ITSN2: variants seen among roughly 807,000 people sequenced by gnomAD.
The protein encoded by ITSN2 is intersectin 2.
In ITSN2, 156 loss-of-function variants were observed where a neutral mutation model predicts 243.7. That is an observed-to-expected ratio of 0.64 (90% CI 0.56 to 0.73). ITSN2 has a LOEUF of 0.73. ITSN2 is among the 30% of genes least tolerant of loss of function. ITSN2 has a pLI of 0.00. For synonymous variants in ITSN2, 703 were observed against 699.9 expected (o/e 1.00, Z -0.07); for missense variants, 1,801 against 1,996.1 (o/e 0.90, Z 1.86).
chr2:24,227,791 T>G (rs1417822658), intron 29 of ITSN2, among the ~76,000 whole-genome samples: 1 of 151,970 alleles, frequency 6.6e-6, no homozygotes, highest in African/African-American at 2.4e-5. Flanking sequence ...TGGTGGCGGG[T>G]GCCTGTAATC....
At chr2:24,316,174 T>C (rs556803354) in intron 2 of ITSN2, among the ~76,000 whole-genome samples, 11 of 152,298 alleles carry the variant, frequency 7.2e-5, no homozygotes, top group African/African-American at 2.6e-4. Flanking sequence ...AATAAACAGG[T>C]AGGGTGGAAT....
At chr2:24,288,846 T>C (rs1004180676) in intron 15 of ITSN2, among the ~76,000 whole-genome samples, 10 of 152,164 alleles carry the variant, frequency 6.6e-5, no homozygotes, top group Admixed American at 2.0e-4. Context: ...CCAGCCCTGG[T>C]AGCCACCATT....
chr2:24,234,676 G>A (rs1671960735), intron 29 of ITSN2, among the ~76,000 whole-genome samples: 1 of 152,078 alleles, frequency 6.6e-6, no homozygotes, highest in Non-Finnish European at 1.5e-5. Context: ...TAAAAAAATG[G>A]GCCAAAGACC....
At chr2:24,327,999 A>T in intron 2 of ITSN2, 53 bp downstream of exon 2, 1 of 282 alleles carries the variant, frequency 3.5e-3, no homozygotes, top group African/African-American at 8.6e-3. Context: ...AACCTCTACC[A>T]AAAAAAAAAA....
At chr2:24,256,841 G>A (rs1468585305) in intron 23 of ITSN2, among the ~76,000 whole-genome samples, 1 of 152,182 alleles carries the variant, frequency 6.6e-6, no homozygotes, top group Non-Finnish European at 1.5e-5. Flanking sequence ...CTATAATGCA[G>A]AGTGCTATAA....
At chr2:24,336,038 G>A (rs1205743424) in intron 1 of ITSN2, among the ~76,000 whole-genome samples, 4 of 151,446 alleles carry the variant, frequency 2.6e-5, no homozygotes, top group Admixed American at 1.3e-4. Flanking sequence ...TCAGGAGATC[G>A]AGACCATCCT....
chr2:24,212,057 T>C (rs568357934), intron 33 of ITSN2, among the ~76,000 whole-genome samples: 11 of 152,354 alleles, frequency 7.2e-5, no homozygotes, highest in African/African-American at 2.4e-4. Flanking sequence ...CGTGGGATAA[T>C]CTTTTGTAAA....
chr2:24,204,431 A>G lies in ITSN2; in HGVS notation c.4763-13T>C. On this transcript the variant is annotated splice_polypyrimidine_tract_variant and intron_variant, in intron 38 of 39. Coordinates refer to ENST00000355123, the MANE Select transcript of ITSN2 (RefSeq NM_006277.3). This position sits in a 1 kb window ranked among gnomAD's most constrained non-coding sequence, Gnocchi z 5.1. ...GGGTTGCTCTTTCCTGAACAAAAACAAACCACAGACACATGTGGTGCATGC... is the reference window on the plus strand; with the variant it reads ...GGGTTGCTCTTTCCTGAACAAAAACGAACCACAGACACATGTGGTGCATGC... 6.2e-7 allele frequency: 1 copy of G among 1,613,992 alleles called. No homozygotes were observed.
At chr2:24,208,562 AGAT>A (rs1338705721) in intron 36 of ITSN2, among the ~76,000 whole-genome samples, 4 of 152,166 alleles carry the variant, frequency 2.6e-5, no homozygotes, top group African/African-American at 7.2e-5. Context: ...ACCTGGAGAC[AGAT>A]GATGCATTGG....
Position 24,286,346 on chromosome 2 carries a change from C to G in ITSN2, c.1729G>C (p.Gly577Arg). 6.2e-7 allele frequency: 1 copy of G among 1,610,504 alleles called. No individual in the cohort carries two copies. The highest frequency in any genetic ancestry group is 8.5e-7 in the Non-Finnish European group (1 of 1,178,204). ...GATTTTTTATGAAGTAAACTGACCC[C>G]TGAATCTGAAAAACAAACATCAGAC... The part of the protein sequence containing the change: ...NMQFSNTPDS[G>R]VSLLHKKSLE... The change falls in exon 16 of 40, where the codon GGG becomes CGG. Residue 577 changes from glycine (G) to arginine (R), a missense_variant. This residue lies in a region of ITSN2 where 787 missense variants were observed against 803.9 expected (regional missense o/e 0.98). Coordinates refer to ENST00000355123, the MANE Select transcript of ITSN2 (RefSeq NM_006277.3).
rs979965876 is a variant in ITSN2 at position 24,249,282 on chromosome 2, T to C, written c.3121-400A>G. Among the ~76,000 whole-genome samples the C allele has an allele frequency of 3.3e-5, 5 of 152,232 alleles. No individual in the cohort carries two copies. The highest frequency in any genetic ancestry group is 6.5e-5 in the Admixed American group (1 of 15,272). On this transcript the variant is annotated intron_variant, in intron 25 of 39. Transcript: ENST00000355123. This position sits in a 1 kb window ranked among gnomAD's most constrained non-coding sequence, Gnocchi z 4.4. Reference sequence around the variant, plus strand: ...TATACGTTATTTTGCTCCTGCTTTCTCTAAGGGATCCTGACTTATCTATGG... The same window carrying C: ...TATACGTTATTTTGCTCCTGCTTTCCCTAAGGGATCCTGACTTATCTATGG...
At chr2:24,248,104 G>C (rs1484194444) in intron 27 of ITSN2, among the ~76,000 whole-genome samples, 5 of 151,760 alleles carry the variant, frequency 3.3e-5, no homozygotes, top group Non-Finnish European at 5.9e-5. Flanking sequence ...AGAAGTGAGA[G>C]AAGAACCCTT....
In ITSN2 at chr2:24,216,037, G is replaced by C; in HGVS notation, c.3990+12C>G. On this transcript the variant is annotated intron_variant, in intron 32 of 39. Coordinates refer to ENST00000355123, the MANE Select transcript of ITSN2 (RefSeq NM_006277.3). ...GAAGGAGCCTGACCCGCAAGGCCCAGAATGGAATTACCTTTAAAAATTCTT... is the reference window on the plus strand; with the variant it reads ...GAAGGAGCCTGACCCGCAAGGCCCACAATGGAATTACCTTTAAAAATTCTT... The C allele has an allele frequency of 6.4e-7, 1 of 1,573,646 alleles. No homozygotes were observed. The highest frequency in any genetic ancestry group is 8.6e-7 in the Non-Finnish European group (1 of 1,156,478).
intron 17 of ITSN2, among the ~76,000 whole-genome samples, chr2:24,277,265 T>C (rs893632940): frequency 9.9e-5 from 15 of 152,190 alleles, no homozygotes; most frequent in African/African-American, 2.9e-4. Flanking sequence ...AATATTTGGG[T>C]AGAATGTTTT....
At chr2:24,261,469 A>C in intron 21 of ITSN2, 92 bp downstream of exon 21, 2 of 1,086,804 alleles carry the variant, frequency 1.8e-6, no homozygotes, top group African/African-American at 1.6e-5. Context: ...CCCGGATTAC[A>C]CTATGATGAA....
chr2:24,243,947 A>G (rs2151274994), intron 29 of ITSN2, among the ~76,000 whole-genome samples: 1 of 152,324 alleles, frequency 6.6e-6, no homozygotes, highest in East Asian at 1.9e-4. Context: ...TGTATTGGAG[A>G]GTGGAGATAT....
chr2:24,312,409 T>G, intron 4 of ITSN2, 34 bp from the exon 5 acceptor site: 1 of 1,469,466 alleles, frequency 6.8e-7, no homozygotes, highest in Non-Finnish European at 9.1e-7. Context: ...GATTGCTATG[T>G]GGTGTGGTGG....
At chr2:24,306,616 G>A (rs1014961072) in intron 8 of ITSN2, among the ~76,000 whole-genome samples, 1 of 152,118 alleles carries the variant, frequency 6.6e-6, no homozygotes, top group African/African-American at 2.4e-5. Flanking sequence ...GAACATTTAG[G>A]TTGTGAACAT....
rs1685688085 is a variant in ITSN2, at chr2:24,330,709, T to G, written c.-33-2594A>C. On this transcript the variant is annotated intron_variant, in intron 1 of 39. Coordinates refer to ENST00000355123, the MANE Select transcript of ITSN2 (RefSeq NM_006277.3). ...ATTTTTTATAACTGTGTACTTCTGGTGACAGTAGTTTGAAATACTATTTTT... is the reference window on the plus strand; with the variant it reads ...ATTTTTTATAACTGTGTACTTCTGGGGACAGTAGTTTGAAATACTATTTTT... 4.5e-6 allele frequency: 3 copies of G among 661,598 alleles called. No individual in the cohort carries two copies. The East Asian group carries it at 8.7e-5, about 19-fold the overall frequency. The allele number at this position is 661,598 out of a possible 1,614,324, so 41.0% of individuals were successfully genotyped here. A position where few individuals can be genotyped will look rare whatever the true frequency, so the allele number is the denominator to read the frequency against.
Sources: gnomAD v4.1 joint callset for allele counts (sites outside exome capture counted in the v4.1 genomes callset) on GRCh38, gnomAD v4.1.1 for gene constraint, gnomAD v4.1.1 regional missense constraint, Gnocchi (gnomAD v3.1) non-coding constraint, MANE v1.5 for transcripts, NCBI Gene and HGNC (gene_info 2026-07-23, HGNC 2026-07-21) for gene names.